PTPRD: variants seen among roughly 807,000 people sequenced by gnomAD.
PTPRD encodes protein tyrosine phosphatase receptor type D, also known as receptor-type tyrosine-protein phosphatase delta.
A neutral mutation model predicts 214.5 loss-of-function variants in PTPRD; 34 were observed. The ratio of observed to expected loss-of-function variants is 0.16; its 90% CI spans 0.12 to 0.21. The LOEUF is 0.21. PTPRD is among the 10% of genes least tolerant of loss of function. The pLI, the probability that PTPRD is intolerant of heterozygous loss-of-function variation, is 1.00. For synonymous variants in PTPRD, 1,128 were observed against 845.7 expected (o/e 1.33, Z -5.79); for missense variants, 2,545 against 2,398.7 (o/e 1.06, Z -1.27).
At chr9:8,976,745 T>C (rs909913437) in intron 11 of PTPRD, among the ~76,000 whole-genome samples, 2 of 152,134 alleles carry the variant, frequency 1.3e-5, no homozygotes, top group African/African-American at 4.8e-5. Context: ...ATGTGAATTT[T>C]AAATATTTTC....
chr9:8,768,234 A>T lies in PTPRD; in HGVS notation c.-103-34288T>A, dbSNP rs189311829. On this transcript the variant is annotated intron_variant, in intron 11 of 45. Transcript: ENST00000381196. The stretch of plus-strand genomic sequence containing the variant: ...ACATAGTGAGACCCCCATCTTGATT[A>T]AAAAAATTAAAAAATAAAATAACAC... 1.8e-3 allele frequency among the ~76,000 whole-genome samples: 277 copies of T among 152,246 alleles called. 1 individual carries two copies. The highest frequency in any genetic ancestry group is 6.1e-3 in the African/African-American group (255 of 41,540).
chr9:8,356,716 A>G (rs1479008561), intron 39 of PTPRD, among the ~76,000 whole-genome samples: 1 of 152,184 alleles, frequency 6.6e-6, no homozygotes, highest in Non-Finnish European at 1.5e-5. Context: ...TTGCTCTTCT[A>G]CCAGACTCAG....
At chr9:10,292,756 A>T (rs1250757330) in intron 3 of PTPRD, among the ~76,000 whole-genome samples, 2 of 151,782 alleles carry the variant, frequency 1.3e-5, no homozygotes, top group African/African-American at 4.8e-5. Flanking sequence ...CTGATGAATG[A>T]CTGTAGGATT....
intron 32 of PTPRD, among the ~76,000 whole-genome samples, chr9:8,463,936 T>C (rs1384929811): frequency 6.6e-6 from 1 of 151,924 alleles, no homozygotes; most frequent in Non-Finnish European, 1.5e-5. Context: ...ATTTATGATA[T>C]ATAAAGAAAA....
At chr9:9,724,265 T>C (rs1044663007) in intron 7 of PTPRD, among the ~76,000 whole-genome samples, 2 of 152,172 alleles carry the variant, frequency 1.3e-5, no homozygotes, top group African/African-American at 4.8e-5. Flanking sequence ...AAGTTTGAGA[T>C]ATATCTTTTA....
intron 7 of PTPRD, among the ~76,000 whole-genome samples, chr9:9,681,264 G>A (rs2097064020): frequency 6.6e-6 from 1 of 151,658 alleles, no homozygotes; most frequent in Admixed American, 6.6e-5. Context: ...GCGGAGCCCT[G>A]TTTCCTTGGT....
intron 5 of PTPRD, among the ~76,000 whole-genome samples, chr9:9,823,800 T>A (rs1321289914): frequency 6.6e-6 from 1 of 152,042 alleles, no homozygotes; most frequent in Non-Finnish European, 1.5e-5. Context: ...TAGTGTTCAG[T>A]AGCACAATAG....
At chr9:8,729,270 A>T (rs2098628663) in intron 12 of PTPRD, among the ~76,000 whole-genome samples, 1 of 152,192 alleles carries the variant, frequency 6.6e-6, no homozygotes, top group South Asian at 2.1e-4. Flanking sequence ...ACCACTTTAG[A>T]CTAAAGTAGA....
chr9:9,109,042 A>G (rs2099802560), intron 10 of PTPRD, among the ~76,000 whole-genome samples: 1 of 152,128 alleles, frequency 6.6e-6, no homozygotes, highest in South Asian at 2.1e-4. Context: ...TCCTTTAGGC[A>G]AGAATAAATA....
At position 8,983,879 on chromosome 9, in the gene PTPRD, T is replaced by C. The variant is rs181278750; in HGVS notation, c.-104+34818A>G. On this transcript the variant is annotated intron_variant, in intron 11 of 45. Transcript: ENST00000381196. The stretch of plus-strand genomic sequence containing the variant: ...AATCTAGGTATTATCATTGCTTTTT[T>C]ACATGTGAAAAAGAGGTTCAAAGAA... Among the ~76,000 whole-genome samples the C allele has an allele frequency of 9.7e-3, 1,481 of 152,178 alleles. 9 individuals carry two copies. Among genetic ancestry groups the C allele is most frequent in the Middle Eastern group, 0.017 (5 of 294 alleles).
rs191249725 is a variant in PTPRD, at chr9:9,114,453, T to C, written c.-143+68851A>G. Among the ~76,000 whole-genome samples the C allele has an allele frequency of 5.3e-3, 809 of 152,238 alleles. 7 individuals are homozygous for C. The highest frequency in any genetic ancestry group is 0.019 in the African/African-American group (774 of 41,528). ...ACCTCAGTGGGATCATTTGGTCCTGTAGGTGGGCACAATCTGAAGGTATCT... is the reference window on the plus strand; with the variant it reads ...ACCTCAGTGGGATCATTTGGTCCTGCAGGTGGGCACAATCTGAAGGTATCT... On this transcript the variant is annotated intron_variant, in intron 10 of 45. Transcript: ENST00000381196.
intron 3 of PTPRD, among the ~76,000 whole-genome samples, chr9:10,192,799 C>G (rs1356606022): frequency 6.6e-6 from 1 of 152,062 alleles, no homozygotes; most frequent in Middle Eastern, 3.2e-3. Context: ...AGCCTGAAAC[C>G]AATGTTAATG....
chr9:10,028,737 G>A (rs1293084850), intron 4 of PTPRD, among the ~76,000 whole-genome samples: 1 of 152,184 alleles, frequency 6.6e-6, no homozygotes, highest in East Asian at 1.9e-4. Flanking sequence ...CATTCAAGAG[G>A]TGACTTGGGT....
intron 2 of PTPRD, among the ~76,000 whole-genome samples, chr9:10,507,056 G>C (rs765575410): frequency 1.3e-4 from 20 of 151,856 alleles, no homozygotes; most frequent in Non-Finnish European, 2.5e-4. Context: ...TGCCCATTCA[G>C]TATCCCAAAA....
chr9:8,603,072 TC>T (rs1418175166), intron 14 of PTPRD, among the ~76,000 whole-genome samples: 2 of 152,178 alleles, frequency 1.3e-5, no homozygotes, highest in African/African-American at 4.8e-5. Context: ...AGGTTCTTAA[TC>T]ATAAGTAGTA....
intron 6 of PTPRD, among the ~76,000 whole-genome samples, chr9:9,746,032 G>A (rs185331004): frequency 6.6e-6 from 1 of 152,236 alleles, no homozygotes; most frequent in East Asian, 1.9e-4. Flanking sequence ...GATTTTATAT[G>A]AGTACTCTAG....
intron 11 of PTPRD, among the ~76,000 whole-genome samples, chr9:8,899,025 T>G (rs375469723): frequency 6.6e-5 from 10 of 152,198 alleles, no homozygotes; most frequent in South Asian, 4.1e-4. Context: ...TTGGATTATC[T>G]GCATCAGTGA....
At chr9:8,380,785 C>T (rs1342777050) in intron 37 of PTPRD, among the ~76,000 whole-genome samples, 2 of 152,116 alleles carry the variant, frequency 1.3e-5, no homozygotes, top group South Asian at 4.1e-4. Flanking sequence ...GCTATTTTTA[C>T]TCCCATATGG....
At chr9:10,013,886 T>C (rs2096649676) in intron 4 of PTPRD, among the ~76,000 whole-genome samples, 1 of 152,008 alleles carries the variant, frequency 6.6e-6, no homozygotes, top group Non-Finnish European at 1.5e-5. Context: ...TTTGTTTGTT[T>C]CTTCTTTGTG....
Sources: allele counts gnomAD v4.1 joint callset (sites outside exome capture counted in the v4.1 genomes callset), GRCh38; gene constraint gnomAD v4.1.1; transcripts MANE v1.5; gene names NCBI Gene and HGNC (gene_info 2026-07-23, HGNC 2026-07-21).